GLIS1: variants seen among roughly 807,000 people sequenced by gnomAD.
GLIS1 encodes GLIS family zinc finger 1.
Under a neutral mutation model 63.8 loss-of-function variants are expected in GLIS1, and 24 were observed. The ratio of observed to expected loss-of-function variants is 0.38; its 90% CI spans 0.27 to 0.53. GLIS1 has a LOEUF of 0.53. Ranked by LOEUF, GLIS1 falls within the 20% of genes least tolerant of loss-of-function variation. The pLI is 0.85. For synonymous variants in GLIS1, 450 were observed against 482.5 expected (o/e 0.93, Z 0.88); for missense variants, 1,036 against 1,074.1 (o/e 0.96, Z 0.50).
chr1:53,514,755 G>A lies in GLIS1; in HGVS notation c.1753C>T (p.His585Tyr). Residue 585 changes from histidine to tyrosine, a missense_variant, in exon 8 of 11, where the codon CAT becomes TAT. Physicochemically the swap from His to Tyr is moderately conservative, Grantham distance 83. Transcript: ENST00000628545. ...PGVYPGSITPHNGLASGLLPP... is the reference protein window; with the variant it reads ...PGVYPGSITPYNGLASGLLPP... The stretch of plus-strand genomic sequence containing the variant: ...AGGAGGCCCGATGCAAGTCCGTTAT[G>A]GGGGGTGATGGAGCCAGGATACACA... The A allele has an allele frequency of 6.2e-7, 1 of 1,604,404 alleles. No homozygotes were observed. Among genetic ancestry groups the A allele is most frequent in the South Asian group, 1.1e-5 (1 of 88,694 alleles).
In GLIS1 at chr1:53,625,145, T is replaced by C. The variant is rs78363211; in HGVS notation, c.260-24867A>G. The stretch of plus-strand genomic sequence containing the variant: ...GATGACAAACCTGGCTTCATTAGTA[T>C]TGACCTCCTTTTCTTGCTTCTGAGC... On this transcript the variant is annotated intron_variant, in intron 2 of 10. Transcript: ENST00000628545. Among the ~76,000 whole-genome samples the C allele has an allele frequency of 7.5e-3, 1,144 of 152,316 alleles. 24 individuals carry two copies. Among genetic ancestry groups the C allele is most frequent in the African/African-American group, 0.027 (1,112 of 41,568 alleles).
At chr1:53,724,427 T>C (rs1646786054) in intron 2 of GLIS1, among the ~76,000 whole-genome samples, 1 of 152,232 alleles carries the variant, frequency 6.6e-6, no homozygotes, top group East Asian at 1.9e-4. Context: ...AACTAAATTT[T>C]TAATTTTATT....
At chr1:53,616,150 C>T (rs1645480414) in intron 2 of GLIS1, among the ~76,000 whole-genome samples, 1 of 152,144 alleles carries the variant, frequency 6.6e-6, no homozygotes, top group Non-Finnish European at 1.5e-5. Flanking sequence ...TTATAAAATT[C>T]CATGATTCTC....
intron 2 of GLIS1, among the ~76,000 whole-genome samples, chr1:53,621,961 C>T (rs1262789356): frequency 1.3e-5 from 2 of 152,104 alleles, no homozygotes; most frequent in Non-Finnish European, 2.9e-5. Context: ...CAGGCCCATG[C>T]CATCTGTATT....
At chr1:53,707,690 T>C (rs778545880) in intron 2 of GLIS1, among the ~76,000 whole-genome samples, 5 of 152,026 alleles carry the variant, frequency 3.3e-5, no homozygotes, top group Non-Finnish European at 7.4e-5. Flanking sequence ...TGATTTTTTT[T>C]TCCCAAAAAG....
chr1:53,553,923 G>A (rs1315443393), intron 4 of GLIS1, among the ~76,000 whole-genome samples: 1 of 152,158 alleles, frequency 6.6e-6, no homozygotes, highest in African/African-American at 2.4e-5. Context: ...AGTGTGCCTT[G>A]CTGACCAGCG....
At chr1:53,668,683 T>C (rs1354303783) in intron 2 of GLIS1, among the ~76,000 whole-genome samples, 1 of 152,158 alleles carries the variant, frequency 6.6e-6, no homozygotes, top group Non-Finnish European at 1.5e-5. Context: ...ATGTTTTAGA[T>C]ACACAAATAC....
rs892862590 is a variant in GLIS1, at chr1:53,703,617, T to C, written c.259+34189A>G. On this transcript the variant is annotated intron_variant, in intron 2 of 10. Transcript: ENST00000628545. ...TCACACCACTGCACTCCAGCCAGGA[T>C]GACAGAGTGAGACCCTGTCTCTAAA... Among the ~76,000 whole-genome samples, 5 of 136,030 alleles carry C rather than the reference T, an allele frequency of 3.7e-5. No individual in the cohort carries two copies. The East Asian group carries it at 6.3e-4, about 17-fold the overall frequency. The allele number at this position is 136,030 out of a possible 152,430, so 89.2% of individuals were successfully genotyped here. A position where few individuals can be genotyped will look rare whatever the true frequency, so the allele number is the denominator to read the frequency against.
chr1:53,728,065 C>T (rs192472429), intron 2 of GLIS1, among the ~76,000 whole-genome samples: 21 of 152,290 alleles, frequency 1.4e-4, no homozygotes, highest in African/African-American at 4.8e-4. Flanking sequence ...TCACTTGGAG[C>T]CAGCCCTGTG....
In GLIS1 at chr1:53,511,910, G is replaced by A. The variant is rs972921823; in HGVS notation, c.1884-1883C>T. ...CTGAAGCCCCTGTAGGGAGGGCCAG[G>A]TCTTGGCCCTTCTCGGTCACCCGGT... On this transcript the variant is annotated intron_variant, in intron 8 of 10. Coordinates refer to ENST00000628545, the MANE Select transcript of GLIS1 (RefSeq NM_001367484.1). This position sits in a 1 kb window ranked among gnomAD's most constrained non-coding sequence, Gnocchi z 4.2. Among the ~76,000 whole-genome samples the A allele has an allele frequency of 6.6e-6, 1 of 152,208 alleles. No homozygotes were observed. The highest frequency in any genetic ancestry group is 2.4e-5 in the African/African-American group (1 of 41,450).
rs1488796567 is a variant in GLIS1, at chr1:53,511,447, G to A, written c.1884-1420C>T. On this transcript the variant is annotated intron_variant, in intron 8 of 10. Transcript: ENST00000628545. The surrounding 1 kb of genome is among the most constrained non-coding windows in gnomAD (Gnocchi z 4.2). ...CTCTCTGCTCCCTCCAACGTTGGCA[G>A]CCCCTCCACTGCCCCTCCAGTCTGC... Among the ~76,000 whole-genome samples the A allele has an allele frequency of 1.3e-5, 2 of 152,148 alleles. No individual in the cohort carries two copies. The highest frequency in any genetic ancestry group is 2.4e-5 in the African/African-American group (1 of 41,436).
intron 2 of GLIS1, among the ~76,000 whole-genome samples, chr1:53,659,603 C>T (rs1283214032): frequency 6.6e-6 from 1 of 152,172 alleles, no homozygotes; most frequent in East Asian, 1.9e-4. Flanking sequence ...CCTCAGCAGA[C>T]CCAGAGCCAA....
intron 5 of GLIS1, 21 bp downstream of exon 5, chr1:53,529,770 G>A (rs767556718): frequency 6.2e-6 from 10 of 1,606,460 alleles, no homozygotes; most frequent in Non-Finnish European, 7.6e-6. Context: ...CCCGCCCTGG[G>A]CCTCTGCCTG....
At chr1:53,519,738 C>T (rs1306117190) in intron 7 of GLIS1, among the ~76,000 whole-genome samples, 2 of 152,170 alleles carry the variant, frequency 1.3e-5, no homozygotes, top group Non-Finnish European at 2.9e-5. Flanking sequence ...CGCAGAGTCC[C>T]AGGGGCTCTG....
At chr1:53,551,760 G>C (rs72895264) in intron 4 of GLIS1, among the ~76,000 whole-genome samples, 2,600 of 152,084 alleles carry the variant, frequency 0.017, 85 homozygotes, top group African/African-American at 0.058. Context: ...CCCTGTGTCA[G>C]GGCTCAAACC....
At chr1:53,736,559 A>ATG (rs1335425008) in intron 2 of GLIS1, among the ~76,000 whole-genome samples, 2 of 152,100 alleles carry the variant, frequency 1.3e-5, no homozygotes, top group African/African-American at 4.8e-5. Flanking sequence ...GAGACCTCAT[A>ATG]TGTGTGTATT....
rs1268832140 is a variant in GLIS1, at chr1:53,594,771, T to C, written c.657A>G (p.Glu219=). The change falls in exon 4 of 11, where the codon GAA becomes GAG. Residue 219 remains glutamate, a synonymous_variant. Coordinates refer to ENST00000628545, the MANE Select transcript of GLIS1 (RefSeq NM_001367484.1). ...PAPSCYLLGS[E]PSSGLGLQPE... is the part of the protein sequence containing the mutation. Reference sequence around the variant, plus strand: ...GCTGGAGGCCCAGGCCAGAGCTGGGTTCGCTGCCCAGAAGGTAGCAGGAAG... The same window carrying C: ...GCTGGAGGCCCAGGCCAGAGCTGGGCTCGCTGCCCAGAAGGTAGCAGGAAG... 4 of 1,599,264 alleles carry C rather than the reference T, an allele frequency of 2.5e-6. No homozygotes were observed. The highest frequency in any genetic ancestry group is 3.4e-6 in the Non-Finnish European group (4 of 1,173,330).
chr1:53,653,036 A>C (rs1179220277), intron 2 of GLIS1, among the ~76,000 whole-genome samples: 1 of 152,190 alleles, frequency 6.6e-6, no homozygotes, highest in East Asian at 1.9e-4. Context: ...CTTCCTTCTG[A>C]TGTCTGTCTC....
At chr1:53,631,774 T>C (rs1645654383) in intron 2 of GLIS1, among the ~76,000 whole-genome samples, 2 of 151,690 alleles carry the variant, frequency 1.3e-5, no homozygotes, top group Non-Finnish European at 2.9e-5. Flanking sequence ...AGGTGAGGGA[T>C]TGAGTCATAT....
Sources: allele counts gnomAD v4.1 joint callset (sites outside exome capture counted in the v4.1 genomes callset), GRCh38; gene constraint gnomAD v4.1.1; non-coding constraint Gnocchi (gnomAD v3.1); transcripts MANE v1.5; gene names NCBI Gene and HGNC (gene_info 2026-07-23, HGNC 2026-07-21).